The following COL4A4 variants were observed in gnomAD, a reference collection of about 807,000 sequenced individuals.
COL4A4 encodes the protein collagen type IV alpha 4 chain, also known as collagen alpha-4(IV) chain.
Under a neutral mutation model 192.9 loss-of-function variants are expected in COL4A4, and 105 were observed. The ratio of observed to expected loss-of-function variants is 0.54; its 90% CI spans 0.46 to 0.64. The LOEUF (loss-of-function observed/expected upper bound fraction) is 0.64. Among genes scored for constraint, COL4A4 ranks in the 30% least tolerant of loss-of-function variants. COL4A4 has a pLI of 0.00. For missense variants in COL4A4, 1,967 were observed against 2,169.3 expected (o/e 0.91, Z 1.85); for synonymous variants, 762 against 769.9 (o/e 0.99, Z 0.17).
chr2:227,009,340 T>C (rs547753735), intron 46 of COL4A4, among the ~76,000 whole-genome samples: 2 of 152,302 alleles, frequency 1.3e-5, no homozygotes, highest in South Asian at 2.1e-4. Context: ...GGAAAGACAG[T>C]GTTTCCCGGC....
chr2:226,995,015 C>T, the COL4A4 span, among the ~76,000 whole-genome samples: 1 of 151,970 alleles, frequency 6.6e-6, no homozygotes, highest in Non-Finnish European at 1.5e-5. Context: ...AGAAAAGGAG[C>T]ACCCAAAGGC....
downstream of COL4A4, among the ~76,000 whole-genome samples, chr2:227,000,443 C>CT (rs1339069248): frequency 7.2e-5 from 11 of 152,328 alleles, no homozygotes; most frequent in African/African-American, 2.6e-4. Context: ...ATTTTCCCTA[C>CT]TTTTATCAAA....
chr2:227,143,434 G>A (rs1024018024), intron 3 of COL4A4, among the ~76,000 whole-genome samples: 2 of 152,126 alleles, frequency 1.3e-5, no homozygotes, highest in Non-Finnish European at 1.5e-5. Flanking sequence ...ACATCGCATC[G>A]ATTTGTATTG....
chr2:227,133,320 C>T (rs56139089), intron 4 of COL4A4, among the ~76,000 whole-genome samples: 14,621 of 152,222 alleles, frequency 0.096, 981 homozygotes, highest in African/African-American at 0.19. Flanking sequence ...TAGCTCTATA[C>T]GTAGACTCGG....
intron 18 of COL4A4, 27 bp downstream of exon 18, chr2:227,099,593 A>G (rs2060394318): frequency 6.2e-7 from 1 of 1,608,912 alleles, no homozygotes. Flanking sequence ...TGCATAATTT[A>G]TGGAGGAACT....
At chr2:227,034,247 T>A (rs1303391240) in intron 37 of COL4A4, among the ~76,000 whole-genome samples, 1 of 152,196 alleles carries the variant, frequency 6.6e-6, no homozygotes, top group African/African-American at 2.4e-5. Flanking sequence ...AGTGGAAAAT[T>A]TTTTTTAAGG....
chr2:227,042,774 CCTCT>C (rs912091029), intron 36 of COL4A4, among the ~76,000 whole-genome samples: 11 of 152,020 alleles, frequency 7.2e-5, no homozygotes, highest in Admixed American at 4.6e-4. Context: ...AGAGTGAGGC[CCTCT>C]CTCTCTAAAA....
chr2:227,089,588 C>CATATATATATATACAT (rs2059786275), intron 21 of COL4A4, among the ~76,000 whole-genome samples: 1 of 102,228 alleles, frequency 9.8e-6, no homozygotes, highest in African/African-American at 3.5e-5. Context: ...GCAAATGTTC[C>CATATATATATATACAT]ATATATATAT....
At chr2:227,057,658 T>A (rs557724017) in intron 28 of COL4A4, 58 bp from the exon 29 acceptor site, 3 of 1,560,726 alleles carry the variant, frequency 1.9e-6, no homozygotes, top group African/African-American at 2.7e-5. Context: ...AGATGGCCCA[T>A]GATGAATTGT....
chr2:226,988,884 A>G, the COL4A4 span, among the ~76,000 whole-genome samples: 919 of 152,278 alleles, frequency 6.0e-3, 8 homozygotes, highest in African/African-American at 0.021. Context: ...GGAGATCCTA[A>G]TTCTAGATGC....
chr2:227,080,865 G>A (rs2059288697), intron 23 of COL4A4, among the ~76,000 whole-genome samples: 1 of 152,186 alleles, frequency 6.6e-6, no homozygotes, highest in African/African-American at 2.4e-5. Context: ...GGGAAAGGGG[G>A]AATGGTCTGC....
chr2:227,107,040 C>T (rs2060887511), intron 12 of COL4A4, among the ~76,000 whole-genome samples: 1 of 152,216 alleles, frequency 6.6e-6, no homozygotes, highest in Non-Finnish European at 1.5e-5. Context: ...GATGCCAATG[C>T]TTGCTGGATT....
chr2:227,013,831 G>A (rs1190430759), intron 44 of COL4A4, among the ~76,000 whole-genome samples: 6 of 152,172 alleles, frequency 3.9e-5, no homozygotes, highest in African/African-American at 7.2e-5. Flanking sequence ...ATAAAGCTGA[G>A]GATGCCAGTC....
At chr2:227,007,686 T>C in intron 47 of COL4A4, 98 bp from the exon 48 acceptor site, 1 of 1,474,394 alleles carries the variant, frequency 6.8e-7, no homozygotes, top group Non-Finnish European at 9.3e-7. Context: ...TCTTAACATT[T>C]TTCCTTAGAT....
chr2:227,024,810 G>A (rs537471606), intron 43 of COL4A4, among the ~76,000 whole-genome samples: 1 of 152,244 alleles, frequency 6.6e-6, no homozygotes, highest in Non-Finnish European at 1.5e-5. Flanking sequence ...TGGGTGACTT[G>A]AGAGAGATGC....
Position 227,121,296 on chromosome 2 carries a change from T to G in COL4A4, c.193-148A>C, listed in dbSNP as rs1228933054. ...GAAACAAATGGCTGGAGATGGTGGC[T>G]CACACCTGTAATCCCAGCACTTTGG... is the stretch of plus-strand genomic sequence containing the variant. On this transcript the variant is annotated intron_variant, in intron 4 of 47. Coordinates refer to ENST00000396625, the MANE Select transcript of COL4A4 (RefSeq NM_000092.5). 3 of 943,324 alleles carry G rather than the reference T, an allele frequency of 3.2e-6. No homozygotes were observed. The African/African-American group carries it at 4.9e-5, about 15-fold the overall frequency. The allele number at this position is 943,324 out of a possible 1,614,324, so 58.4% of individuals were successfully genotyped here. A position where few individuals can be genotyped will look rare whatever the true frequency, so the allele number is the denominator to read the frequency against.
At chr2:227,133,893 GAA>G (rs58474080) in intron 4 of COL4A4, among the ~76,000 whole-genome samples, 5 of 146,880 alleles carry the variant, frequency 3.4e-5, no homozygotes, top group Non-Finnish European at 4.5e-5. Context: ...TCTCAAAAAA[GAA>G]AAAAAAAAAG....
At chr2:226,995,061 G>T in the COL4A4 span, among the ~76,000 whole-genome samples, 1 of 151,898 alleles carries the variant, frequency 6.6e-6, no homozygotes, top group African/African-American at 2.4e-5. Flanking sequence ...AGTTGGTGGG[G>T]AAGTTAGTAA....
intron 4 of COL4A4, among the ~76,000 whole-genome samples, chr2:227,126,131 C>T (rs1332787591): frequency 6.6e-6 from 1 of 152,126 alleles, no homozygotes; most frequent in Non-Finnish European, 1.5e-5. Flanking sequence ...TACAGTATAA[C>T]AACTGTATAC....
Sources: gnomAD v4.1 joint callset for allele counts (sites outside exome capture counted in the v4.1 genomes callset) on GRCh38, gnomAD v4.1.1 for gene constraint, MANE v1.5 for transcripts, NCBI Gene and HGNC (gene_info 2026-07-23, HGNC 2026-07-21) for gene names.